The following DOCK2 variants were observed in gnomAD, a reference collection of about 807,000 sequenced individuals.
DOCK2 encodes the protein dedicator of cytokinesis protein 2.
In DOCK2, 87 loss-of-function variants were observed where a neutral mutation model predicts 248.9. The ratio of observed to expected loss-of-function variants is 0.35; its 90% CI spans 0.29 to 0.42. The LOEUF (loss-of-function observed/expected upper bound fraction) is 0.42. Among genes scored for constraint, DOCK2 ranks in the 10% least tolerant of loss-of-function variants. The pLI is 1.00. For missense variants in DOCK2, 1,747 were observed against 2,300.2 expected (o/e 0.76, Z 4.92); for synonymous variants, 805 against 821.6 (o/e 0.98, Z 0.35).
At chr5:169,826,949 T>A (rs1768901766) in intron 26 of DOCK2, among the ~76,000 whole-genome samples, 1 of 145,424 alleles carries the variant, frequency 6.9e-6, no homozygotes, top group Non-Finnish European at 1.5e-5. Flanking sequence ...TACACTGTGG[T>A]CTCTTAAAAG....
At chr5:170,064,989 G>A (rs908130744) in intron 44 of DOCK2, among the ~76,000 whole-genome samples, 4 of 151,838 alleles carry the variant, frequency 2.6e-5, no homozygotes, top group Non-Finnish European at 1.5e-5. Context: ...TTTAATGATG[G>A]TGGGCAAATC....
intron 27 of DOCK2, among the ~76,000 whole-genome samples, chr5:169,934,281 G>A (rs937018420): frequency 2.6e-5 from 4 of 152,148 alleles, no homozygotes; most frequent in Non-Finnish European, 5.9e-5. Flanking sequence ...GTATTTACCC[G>A]GGAAGACTTC....
intron 44 of DOCK2, among the ~76,000 whole-genome samples, chr5:170,061,028 T>TA (rs563673436): frequency 0.033 from 5,041 of 151,434 alleles, 163 homozygotes; most frequent in African/African-American, 0.077. Context: ...AGACTCCATC[T>TA]AAAAAAAAAT....
intron 27 of DOCK2, chr5:169,882,738 C>G (rs1489203964): frequency 1.3e-6 from 2 of 1,551,916 alleles, no homozygotes. Flanking sequence ...GAAGTTTGGT[C>G]TCACTCCTTG....
At chr5:169,987,520 G>A (rs569227648) in intron 29 of DOCK2, among the ~76,000 whole-genome samples, 81 of 152,290 alleles carry the variant, frequency 5.3e-4, no homozygotes, top group African/African-American at 1.9e-3. Flanking sequence ...CTTGATCCAG[G>A]GTCTTGGGGT....
chr5:170,050,804 A>G (rs935221657), intron 41 of DOCK2, among the ~76,000 whole-genome samples: 1 of 152,188 alleles, frequency 6.6e-6, no homozygotes, highest in African/African-American at 2.4e-5. Context: ...AACCTATCTC[A>G]ATACATTGTA....
chr5:169,714,386 C>G lies in DOCK2; in HGVS notation c.1870C>G (p.Arg624Gly). 6.2e-7 allele frequency: 1 copy of G among 1,613,852 alleles called. No homozygotes were observed. The highest frequency in any genetic ancestry group is 8.5e-7 in the Non-Finnish European group (1 of 1,179,950). Residue 624 changes from arginine to glycine, a missense_variant, in exon 19 of 52, where the codon CGT (arginine) becomes GGT (glycine). Physicochemically the swap from Arg to Gly is moderately radical, Grantham distance 125. This residue lies in a region of DOCK2 where 858 missense variants were observed against 1,183.5 expected (regional missense o/e 0.72). Transcript: ENST00000520908. ...GGGCTTGCTGGGTTTGCTGAAGTGG[C>G]GTATGAAGCCTCAACTGCTACAGGA... ...NVGLLGLLKW[R>G]MKPQLLQENL...
At chr5:169,760,670 G>C (rs570543845) in intron 24 of DOCK2, among the ~76,000 whole-genome samples, 1 of 152,182 alleles carries the variant, frequency 6.6e-6, no homozygotes, top group South Asian at 2.1e-4. Flanking sequence ...ATTATTCTCT[G>C]ACACAGCTCC....
At chr5:169,819,917 C>G (rs1768315646) in intron 26 of DOCK2, among the ~76,000 whole-genome samples, 1 of 152,226 alleles carries the variant, frequency 6.6e-6, no homozygotes, top group Non-Finnish European at 1.5e-5. Flanking sequence ...AGGTCACTCC[C>G]ACCCTAATAC....
At chr5:169,734,936 C>T (rs947454809) in intron 22 of DOCK2, among the ~76,000 whole-genome samples, 3 of 152,164 alleles carry the variant, frequency 2.0e-5, no homozygotes, top group South Asian at 2.1e-4. Context: ...ATTGCTCTGA[C>T]GTACCCAGAG....
chr5:169,867,528 A>T (rs1353607253), intron 27 of DOCK2, among the ~76,000 whole-genome samples: 1 of 151,676 alleles, frequency 6.6e-6, no homozygotes, highest in Non-Finnish European at 1.5e-5. Flanking sequence ...TCTATCATCT[A>T]TCATCTATCA....
intron 27 of DOCK2, among the ~76,000 whole-genome samples, chr5:169,860,793 G>A (rs547263112): frequency 2.8e-4 from 43 of 152,326 alleles, no homozygotes; most frequent in Non-Finnish European, 5.1e-4. Context: ...TGTGCCTTTC[G>A]TATGTGTTGA....
chr5:170,069,162 G>T lies in DOCK2; in HGVS notation c.4670G>T (p.Arg1557Met), dbSNP rs1387295202. 6.2e-7 allele frequency: 1 copy of T among 1,614,036 alleles called. No individual in the cohort carries two copies. Residue 1557 changes from arginine to methionine, a missense_variant, in exon 46 of 52, where the codon AGG becomes ATG. Coordinates refer to ENST00000520908, the MANE Select transcript of DOCK2 (RefSeq NM_004946.3). ...EKAFFTEEYV[R>M]DHPEDQDKLT... ...GCCTTCTTCACTGAAGAGTATGTCA[G>T]GGACCACCCTGAGGACCAGGACAAG...
intron 27 of DOCK2, among the ~76,000 whole-genome samples, chr5:169,938,717 T>TA (rs1486972684): frequency 6.6e-6 from 1 of 152,164 alleles, no homozygotes; most frequent in African/African-American, 2.4e-5. Context: ...CTACATTTAT[T>TA]AAAAATATTT....
chr5:169,751,880 T>C (rs749920151), intron 23 of DOCK2, among the ~76,000 whole-genome samples: 1 of 152,222 alleles, frequency 6.6e-6, no homozygotes, highest in Non-Finnish European at 1.5e-5. Context: ...GGAACCACTA[T>C]CCTCAGTGTT....
In DOCK2 at chr5:169,649,103, G is replaced by A. The variant is rs558532360; in HGVS notation, c.44-5300G>A. Reference sequence around the variant, plus strand: ...GCATTTCACTTGAATCCACCAAAGTGGACCTGCTGCTAGTTCTATTTCCCC... The same window carrying A: ...GCATTTCACTTGAATCCACCAAAGTAGACCTGCTGCTAGTTCTATTTCCCC... On this transcript the variant is annotated intron_variant, in intron 1 of 51. Coordinates refer to ENST00000520908, the MANE Select transcript of DOCK2 (RefSeq NM_004946.3). 3.9e-5 allele frequency among the ~76,000 whole-genome samples: 6 copies of A among 152,344 alleles called. No homozygotes were observed. In the South Asian group the frequency reaches 1.2e-3, roughly 32 times the overall value.
chr5:169,871,099 C>T lies in DOCK2; in HGVS notation c.2799+30247C>T, dbSNP rs372184252. Among the ~76,000 whole-genome samples, 29 of 152,230 alleles carry T rather than the reference C, an allele frequency of 1.9e-4. No individual in the cohort carries two copies. The East Asian group carries it at 1.9e-3, about 10-fold the overall frequency. On this transcript the variant is annotated intron_variant, in intron 27 of 51. Transcript: ENST00000520908. ...TTTATAAGGGCACTAATCCCATTCA[C>T]GAGGACTCCAAGTTCATGACCTAAT...
At chr5:169,990,523 T>C (rs1412634916) in intron 29 of DOCK2, among the ~76,000 whole-genome samples, 1 of 152,208 alleles carries the variant, frequency 6.6e-6, no homozygotes, top group Non-Finnish European at 1.5e-5. Flanking sequence ...AGAAAATGTT[T>C]CCGGGCACTT....
intron 39 of DOCK2, among the ~76,000 whole-genome samples, chr5:170,046,240 A>T (rs1039015386): frequency 1.6e-4 from 25 of 152,202 alleles, no homozygotes; most frequent in Non-Finnish European, 2.9e-4. Context: ...AAACCAATTA[A>T]ATAAAAACAC....
Sources: gnomAD v4.1 joint callset for allele counts (sites outside exome capture counted in the v4.1 genomes callset) on GRCh38, gnomAD v4.1.1 for gene constraint, gnomAD v4.1.1 regional missense constraint, MANE v1.5 for transcripts, NCBI Gene and HGNC (gene_info 2026-07-23, HGNC 2026-07-21) for gene names.